The following PPARGC1A variants were observed in gnomAD, a reference collection of about 807,000 sequenced individuals.
The protein encoded by PPARGC1A is peroxisome proliferator-activated receptor gamma coactivator 1-alpha.
Under a neutral mutation model 88.7 loss-of-function variants are expected in PPARGC1A, and 25 were observed. The observed-to-expected ratio is 0.28, with a 90% CI of 0.21 to 0.39. PPARGC1A has a LOEUF of 0.39. Among genes scored for constraint, PPARGC1A ranks in the 10% least tolerant of loss-of-function variants. The probability of loss-of-function intolerance (pLI) is 1.00; values close to 1 mark genes in which losing one functional copy is unlikely to be tolerated. For synonymous variants in PPARGC1A, 363 were observed against 355.6 expected (o/e 1.02, Z -0.24); for missense variants, 880 against 968.7 (o/e 0.91, Z 1.22).
chr4:24,242,959 G>A, the PPARGC1A span, among the ~76,000 whole-genome samples: 2 of 152,054 alleles, frequency 1.3e-5, no homozygotes, highest in Non-Finnish European at 2.9e-5. Flanking sequence ...CCACTCAGCT[G>A]GAGTCAAATT....
At chr4:24,315,342 A>G in the PPARGC1A span, among the ~76,000 whole-genome samples, 1 of 152,182 alleles carries the variant, frequency 6.6e-6, no homozygotes, top group Admixed American at 6.5e-5. Flanking sequence ...TAAGCCATGT[A>G]TCTGCTATCT....
the PPARGC1A span, among the ~76,000 whole-genome samples, chr4:23,921,953 A>G: frequency 6.6e-6 from 1 of 152,238 alleles, no homozygotes; most frequent in African/African-American, 2.4e-5. Flanking sequence ...GACAGAGAAT[A>G]ATACCATTCA....
At chr4:24,198,735 A>G in the PPARGC1A span, among the ~76,000 whole-genome samples, 1 of 152,086 alleles carries the variant, frequency 6.6e-6, no homozygotes, top group East Asian at 1.9e-4. Flanking sequence ...GGGAATGGGG[A>G]AGGGAAGGTG....
the PPARGC1A span, among the ~76,000 whole-genome samples, chr4:24,371,849 A>T: frequency 6.6e-6 from 1 of 151,524 alleles, no homozygotes; most frequent in Non-Finnish European, 1.5e-5. Flanking sequence ...TACTCAGGAG[A>T]CTGAGGCAAG....
At chr4:23,963,836 T>C in the PPARGC1A span, among the ~76,000 whole-genome samples, 2 of 152,118 alleles carry the variant, frequency 1.3e-5, no homozygotes, top group Non-Finnish European at 2.9e-5. Context: ...GAAGGTGTCA[T>C]AGTCGGGTGA....
chr4:24,108,113 T>C, the PPARGC1A span, among the ~76,000 whole-genome samples: 1 of 152,116 alleles, frequency 6.6e-6, no homozygotes, highest in South Asian at 2.1e-4. Context: ...TTAGAGTCAG[T>C]CTCTTTCCCA....
chr4:24,236,661 G>T, the PPARGC1A span, among the ~76,000 whole-genome samples: 36 of 152,122 alleles, frequency 2.4e-4, no homozygotes, highest in Admixed American at 2.3e-3. Context: ...GCTGTGCCCT[G>T]AGCCTTTCAA....
At chr4:24,226,002 A>AC in the PPARGC1A span, among the ~76,000 whole-genome samples, 1 of 3,414 alleles carries the variant, frequency 2.9e-4, no homozygotes, top group African/African-American at 3.3e-4. Context: ...GAAAGAAACC[A>AC]CCCACAAAAC....
At chr4:24,270,327 C>CTGTGTGTGTGTGTGTG in the PPARGC1A span, among the ~76,000 whole-genome samples, 1 of 70,104 alleles carries the variant, frequency 1.4e-5, no homozygotes, top group African/African-American at 4.6e-5. Context: ...CTCTCTCTCT[C>CTGTGTGTGTGTGTGTG]TCTCTCTGTG....
the PPARGC1A span, among the ~76,000 whole-genome samples, chr4:24,397,519 G>A: frequency 6.6e-6 from 1 of 152,164 alleles, no homozygotes; most frequent in African/African-American, 2.4e-5. Flanking sequence ...CCTAAGGAAT[G>A]TAAGTGGGAA....
the PPARGC1A span, among the ~76,000 whole-genome samples, chr4:24,145,949 G>T: frequency 3.0e-4 from 46 of 152,298 alleles, no homozygotes; most frequent in East Asian, 6.9e-3. Flanking sequence ...GGAGAGGCAG[G>T]TCCCAGGAGT....
At chr4:24,277,679 CTCATT>C in the PPARGC1A span, among the ~76,000 whole-genome samples, 5 of 152,088 alleles carry the variant, frequency 3.3e-5, no homozygotes, top group Admixed American at 6.5e-5. Flanking sequence ...ATAAAATTCC[CTCATT>C]TCATTTATTT....
At chr4:24,326,481 C>T in the PPARGC1A span, among the ~76,000 whole-genome samples, 3 of 152,170 alleles carry the variant, frequency 2.0e-5, no homozygotes, top group Non-Finnish European at 4.4e-5. Flanking sequence ...TTTACTATTC[C>T]TTTGCACCCG....
At chr4:23,966,236 C>T in the PPARGC1A span, among the ~76,000 whole-genome samples, 8 of 152,164 alleles carry the variant, frequency 5.3e-5, no homozygotes, top group South Asian at 2.1e-4. Flanking sequence ...CCTGTTTCCT[C>T]GGAGAGGTCA....
At chr4:24,469,815 T>C in the PPARGC1A span, among the ~76,000 whole-genome samples, 2 of 152,026 alleles carry the variant, frequency 1.3e-5, no homozygotes, top group Non-Finnish European at 2.9e-5. Flanking sequence ...CCGCAAATGG[T>C]TCTCTCTTTC....
At chr4:24,006,638 G>A in the PPARGC1A span, among the ~76,000 whole-genome samples, 1 of 152,072 alleles carries the variant, frequency 6.6e-6, no homozygotes, top group South Asian at 2.1e-4. Flanking sequence ...CTGGTCCTCT[G>A]GTTAGTACAC....
chr4:24,096,828 T>C, the PPARGC1A span, among the ~76,000 whole-genome samples: 3 of 152,194 alleles, frequency 2.0e-5, no homozygotes, highest in South Asian at 4.1e-4. Context: ...AGTTTTAGAA[T>C]TTGTAACATT....
chr4:23,895,513 G>A (rs1718449301), intron 1 of PPARGC1A, among the ~76,000 whole-genome samples: 1 of 151,934 alleles, frequency 6.6e-6, no homozygotes, highest in Non-Finnish European at 1.5e-5. Flanking sequence ...CTCATCTTAA[G>A]AAGCAATTAG....
chr4:24,077,737 G>C, the PPARGC1A span, among the ~76,000 whole-genome samples: 2 of 147,988 alleles, frequency 1.4e-5, no homozygotes, highest in Non-Finnish European at 3.0e-5. Flanking sequence ...CTTGTCTCTT[G>C]GTTCAAGGAA....
Sources: allele counts gnomAD v4.1 joint callset (sites outside exome capture counted in the v4.1 genomes callset), GRCh38; gene constraint gnomAD v4.1.1; transcripts MANE v1.5; gene names NCBI Gene and HGNC (gene_info 2026-07-23, HGNC 2026-07-21).